Variants in HERC3 observed in about 807,000 individuals in gnomAD.
HERC3 encodes the protein HECT and RLD domain containing E3 ubiquitin protein ligase 3, also known as probable E3 ubiquitin-protein ligase HERC3.
Under a neutral mutation model 129.9 loss-of-function variants are expected in HERC3, and 58 were observed. The ratio of observed to expected loss-of-function variants is 0.45; its 90% confidence interval spans 0.36 to 0.56. The LOEUF is 0.56. Among genes scored for constraint, HERC3 ranks in the 20% least tolerant of loss-of-function variants. HERC3 has a pLI of 0.00. For missense variants in HERC3, 835 were observed against 1,244.2 expected, an observed-to-expected ratio of 0.67 and a Z score of 4.95; for synonymous variants, 430 against 451.0, an observed-to-expected ratio of 0.95 and a Z score of 0.59.
At chr4:88,626,591 A>G (rs753330075) in intron 3 of HERC3, among the ~76,000 whole-genome samples, 2 of 152,188 alleles carry the variant, frequency 1.3e-5, no homozygotes, top group Non-Finnish European at 2.9e-5. Flanking sequence ...GACATTTTAT[A>G]ATTTCAATTT....
chr4:88,596,933 A>T (rs184010346), intron 2 of HERC3, among the ~76,000 whole-genome samples: 5 of 152,250 alleles, frequency 3.3e-5, no homozygotes, highest in Admixed American at 3.3e-4. Context: ...GTAAAAATGC[A>T]TCATACTCTG....
the HERC3 span, among the ~76,000 whole-genome samples, chr4:88,541,576 T>C: frequency 6.6e-6 from 1 of 152,296 alleles, no homozygotes; most frequent in African/African-American, 2.4e-5. Flanking sequence ...TGAACTCAGC[T>C]CTGCAACAAG....
At chr4:88,620,667 G>GA (rs1400193717) in intron 3 of HERC3, among the ~76,000 whole-genome samples, 1 of 151,994 alleles carries the variant, frequency 6.6e-6, no homozygotes, top group Non-Finnish European at 1.5e-5. Flanking sequence ...TCTCTCCACA[G>GA]AGTAATCATA....
the HERC3 span, among the ~76,000 whole-genome samples, chr4:88,550,558 T>C: frequency 1.2e-3 from 186 of 151,982 alleles, no homozygotes; most frequent in Middle Eastern, 3.4e-3. Context: ...AATAAAATAC[T>C]TAGGAATCCA....
intron 23 of HERC3, chr4:88,693,631 T>C (rs1302430296): frequency 3.1e-6 from 3 of 975,994 alleles, no homozygotes; most frequent in African/African-American, 3.5e-5. Context: ...TTTTATGTTA[T>C]GCAAATTTCA....
At chr4:88,562,091 T>TACTC in the HERC3 span, among the ~76,000 whole-genome samples, 1 of 152,206 alleles carries the variant, frequency 6.6e-6, no homozygotes, top group Admixed American at 6.5e-5. Flanking sequence ...ATAGTGGCTG[T>TACTC]ACTCATTTAC....
chr4:88,545,896 A>C, the HERC3 span, among the ~76,000 whole-genome samples: 3 of 152,352 alleles, frequency 2.0e-5, no homozygotes, highest in South Asian at 6.2e-4. Flanking sequence ...AGATGTAATC[A>C]TTCAAGTGCT....
At chr4:88,560,503 T>G in the HERC3 span, among the ~76,000 whole-genome samples, 2 of 151,918 alleles carry the variant, frequency 1.3e-5, no homozygotes, top group Non-Finnish European at 2.9e-5. Flanking sequence ...ACCAGGTATA[T>G]GTTTGCAAAT....
the HERC3 span, among the ~76,000 whole-genome samples, chr4:88,582,947 G>T: frequency 6.6e-6 from 1 of 152,146 alleles, no homozygotes; most frequent in East Asian, 1.9e-4. Flanking sequence ...GGCTCTTCGA[G>T]TCTCATATTT....
intron 23 of HERC3, among the ~76,000 whole-genome samples, chr4:88,698,191 TC>T (rs1734877254): frequency 6.6e-6 from 1 of 152,146 alleles, no homozygotes; most frequent in Non-Finnish European, 1.5e-5. Context: ...GTCTTCGCTT[TC>T]CTCTGCATCT....
Position 88,669,919 on chromosome 4 carries a change from G to A in HERC3, c.1693G>A (p.Gly565Ser), listed in dbSNP as rs1413204636. Residue 565 changes from glycine to serine, a missense_variant, in exon 15 of 26, where the codon GGT (glycine) becomes AGT (serine). Gly to Ser is a moderately conservative substitution (Grantham distance 56, BLOSUM62 0). Coordinates refer to ENST00000402738, the MANE Select transcript of HERC3 (RefSeq NM_014606.3). ...YFMKLVNLYK[G>S]AVLYLLRGRK... ...CATGAAGCTGGTAAACCTCTATAAA[G>A]GTGCAGTCCTTTATCTACTGAGGGG... The A allele has an allele frequency of 6.2e-7, 1 of 1,613,556 alleles. No individual in the cohort carries two copies. Among genetic ancestry groups the A allele is most frequent in the Non-Finnish European group, 8.5e-7 (1 of 1,179,690 alleles).
the HERC3 span, among the ~76,000 whole-genome samples, chr4:88,540,316 C>A: frequency 6.6e-6 from 1 of 152,016 alleles, no homozygotes; most frequent in African/African-American, 2.4e-5. Context: ...GCTTCAATAG[C>A]CAATTTGATC....
intron 24 of HERC3, 72 bp downstream of exon 24, chr4:88,704,353 G>T: frequency 1.3e-6 from 2 of 1,482,034 alleles, no homozygotes; most frequent in Non-Finnish European, 1.9e-6. Flanking sequence ...TGTTCCCAGA[G>T]CCTGGTCTCG....
chr4:88,567,414 CTT>C, the HERC3 span, among the ~76,000 whole-genome samples: 1 of 152,128 alleles, frequency 6.6e-6, no homozygotes, highest in African/African-American at 2.4e-5. Flanking sequence ...GCCAATAACT[CTT>C]AGATTTGCCC....
the HERC3 span, among the ~76,000 whole-genome samples, chr4:88,535,554 C>T: frequency 6.6e-6 from 1 of 152,094 alleles, no homozygotes. Context: ...TAAATGATAC[C>T]ACCATCTTCT....
Position 88,604,847 on chromosome 4 carries a change from T to C in HERC3, c.-29-948T>C, listed in dbSNP as rs575833583. 3.3e-5 allele frequency among the ~76,000 whole-genome samples: 5 copies of C among 152,350 alleles called. No homozygotes were observed. In the South Asian group the frequency reaches 8.3e-4, roughly 25 times the overall value. ...TTTCAGGAACTGCCAGACATTTTTA[T>C]AAGCCAATGTAGTATGGTTCTAATA... On this transcript the variant is annotated intron_variant, in intron 2 of 25. Transcript: ENST00000402738.
At chr4:88,649,273 C>T (rs1455503956) in intron 3 of HERC3, among the ~76,000 whole-genome samples, 3 of 152,130 alleles carry the variant, frequency 2.0e-5, no homozygotes, top group African/African-American at 7.2e-5. Flanking sequence ...TTGAGGGATG[C>T]ACAAATGTCA....
intron 3 of HERC3, among the ~76,000 whole-genome samples, chr4:88,611,731 T>C (rs571590187): frequency 2.0e-5 from 3 of 152,352 alleles, no homozygotes; most frequent in African/African-American, 7.2e-5. Flanking sequence ...TTTGCAGTAC[T>C]GGCTGTGAAT....
chr4:88,531,874 G>A, the HERC3 span, among the ~76,000 whole-genome samples: 1 of 152,160 alleles, frequency 6.6e-6, no homozygotes, highest in South Asian at 2.1e-4. Flanking sequence ...GGCAGCTGTG[G>A]CAGCCACAGC....
Sources: allele counts gnomAD v4.1 joint callset (sites outside exome capture counted in the v4.1 genomes callset), GRCh38; gene constraint gnomAD v4.1.1; transcripts MANE v1.5; gene names NCBI Gene and HGNC (gene_info 2026-07-23, HGNC 2026-07-21).